Variants in KAT6B observed in about 807,000 individuals in gnomAD.
KAT6B encodes the protein histone acetyltransferase KAT6B.
In KAT6B, 10 loss-of-function variants were observed where a neutral mutation model predicts 187.5. The observed-to-expected ratio is 0.05, with a 90% confidence interval of 0.03 to 0.09. The LOEUF (loss-of-function observed/expected upper bound fraction) is 0.09, where lower values mean the gene tolerates loss of function less well. KAT6B is among the 10% of genes least tolerant of loss of function. The pLI is 1.00. For missense variants in KAT6B, 1,952 were observed against 2,558.9 expected, an observed-to-expected ratio of 0.76 and a Z score of 5.12; for synonymous variants, 861 against 926.8, an observed-to-expected ratio of 0.93 and a Z score of 1.29.
At chr10:74,945,085 G>A (rs1839851707) in intron 3 of KAT6B, among the ~76,000 whole-genome samples, 1 of 152,092 alleles carries the variant, frequency 6.6e-6, no homozygotes, top group African/African-American at 2.4e-5. Flanking sequence ...TTCATATGAA[G>A]TTTATTCATA....
chr10:74,885,808 T>G (rs1048302153), intron 3 of KAT6B, among the ~76,000 whole-genome samples: 2 of 151,078 alleles, frequency 1.3e-5, no homozygotes, highest in African/African-American at 2.4e-5. Flanking sequence ...CTCAGCTCAC[T>G]GCAACCTCTG....
intron 3 of KAT6B, among the ~76,000 whole-genome samples, chr10:74,904,429 T>C (rs1299695422): frequency 1.7e-4 from 26 of 152,232 alleles, no homozygotes. Flanking sequence ...TGGCCCTCTC[T>C]ACAATGTAGC....
chr10:74,960,920 G>A (rs1440192667), intron 4 of KAT6B, among the ~76,000 whole-genome samples: 2 of 152,174 alleles, frequency 1.3e-5, no homozygotes, highest in Non-Finnish European at 2.9e-5. Flanking sequence ...ACTTATGACA[G>A]CTGCTTGATG....
At chr10:74,972,413 T>A (rs1217515479) in intron 6 of KAT6B, 94 bp from the exon 7 acceptor site, 16 of 934,182 alleles carry the variant, frequency 1.7e-5, no homozygotes, top group Non-Finnish European at 2.6e-5. Flanking sequence ...CATACAGGCA[T>A]CCTTGAGCAG....
intron 13 of KAT6B, among the ~76,000 whole-genome samples, chr10:75,018,777 T>C (rs918763757): frequency 2.6e-5 from 4 of 152,114 alleles, no homozygotes; most frequent in Admixed American, 1.3e-4. Context: ...TAAGCACCAG[T>C]AGAGGACCTG....
chr10:74,871,605 G>A (rs1408499621), intron 3 of KAT6B, among the ~76,000 whole-genome samples: 1 of 152,220 alleles, frequency 6.6e-6, no homozygotes, highest in Non-Finnish European at 1.5e-5. Flanking sequence ...GCTAAGACAG[G>A]AGGATTGCTT....
chr10:74,869,222 A>T (rs755087369), intron 3 of KAT6B, among the ~76,000 whole-genome samples: 26 of 152,178 alleles, frequency 1.7e-4, no homozygotes, highest in Non-Finnish European at 3.7e-4. Flanking sequence ...CACAACTATA[A>T]TCAAAGCATA....
chr10:74,860,766 G>A (rs1443461751), intron 3 of KAT6B, among the ~76,000 whole-genome samples: 2 of 152,190 alleles, frequency 1.3e-5, no homozygotes, highest in Non-Finnish European at 2.9e-5. Context: ...GGGAGGCCAA[G>A]GCAGGAGGAT....
chr10:74,943,459 C>T (rs752518100), intron 3 of KAT6B, among the ~76,000 whole-genome samples: 8 of 152,026 alleles, frequency 5.3e-5, no homozygotes, highest in African/African-American at 1.2e-4. Flanking sequence ...AAAATTGGGA[C>T]GTTGATGAAC....
At chr10:74,867,971 A>T (rs909260530) in intron 3 of KAT6B, among the ~76,000 whole-genome samples, 1 of 152,238 alleles carries the variant, frequency 6.6e-6, no homozygotes, top group Non-Finnish European at 1.5e-5. Flanking sequence ...GCAAAGGTTT[A>T]TGGAATGGCC....
chr10:75,013,764 T>C (rs921872480), intron 13 of KAT6B, among the ~76,000 whole-genome samples: 1 of 152,026 alleles, frequency 6.6e-6, no homozygotes, highest in African/African-American at 2.4e-5. Context: ...GGTACAGTTA[T>C]TATTCACATC....
intron 3 of KAT6B, among the ~76,000 whole-genome samples, chr10:74,846,159 T>C (rs562859704): frequency 4.4e-4 from 67 of 151,912 alleles, no homozygotes; most frequent in Non-Finnish European, 7.8e-4. Context: ...CCACTGTGCC[T>C]GGCCAACATT....
intron 13 of KAT6B, among the ~76,000 whole-genome samples, chr10:74,993,752 A>G (rs1048284132): frequency 2.0e-5 from 3 of 152,102 alleles, no homozygotes; most frequent in Non-Finnish European, 2.9e-5. Flanking sequence ...ATATTTTTTA[A>G]GCATACAGGC....
intron 3 of KAT6B, among the ~76,000 whole-genome samples, chr10:74,906,981 T>C (rs929524460): frequency 6.6e-5 from 10 of 152,218 alleles, no homozygotes; most frequent in South Asian, 2.1e-4. Context: ...AGCAGTGCTG[T>C]CAATCCTTCC....
intron 13 of KAT6B, among the ~76,000 whole-genome samples, chr10:75,008,488 C>A (rs2134031166): frequency 6.6e-6 from 1 of 152,306 alleles, no homozygotes; most frequent in African/African-American, 2.4e-5. Context: ...AAACAGGCTT[C>A]CTTCTTCTTA....
At chr10:74,890,490 A>AT (rs1297192138) in intron 3 of KAT6B, among the ~76,000 whole-genome samples, 1 of 152,096 alleles carries the variant, frequency 6.6e-6, no homozygotes, top group African/African-American at 2.4e-5. Flanking sequence ...AATATAAAAA[A>AT]TTAGCCGGGC....
intron 3 of KAT6B, among the ~76,000 whole-genome samples, chr10:74,892,473 C>T (rs1845704348): frequency 6.6e-6 from 1 of 152,176 alleles, no homozygotes; most frequent in South Asian, 2.1e-4. Flanking sequence ...TATAGGTGGA[C>T]TTAGCCTTTA....
intron 3 of KAT6B, among the ~76,000 whole-genome samples, chr10:74,885,123 A>T (rs148619435): frequency 7.2e-5 from 11 of 152,214 alleles, no homozygotes; most frequent in African/African-American, 2.2e-4. Context: ...GCCGGAGTGC[A>T]GTGGTGCAAT....
chr10:74,953,555 A>G (rs1479776800), intron 3 of KAT6B, among the ~76,000 whole-genome samples: 1 of 152,202 alleles, frequency 6.6e-6, no homozygotes, highest in Non-Finnish European at 1.5e-5. Context: ...ATATGAATGA[A>G]AAATGCTGAA....
Sources: gnomAD v4.1 joint callset for allele counts (sites outside exome capture counted in the v4.1 genomes callset) on GRCh38, gnomAD v4.1.1 for gene constraint, MANE v1.5 for transcripts, NCBI Gene and HGNC (gene_info 2026-07-23, HGNC 2026-07-21) for gene names.